The following EDIL3 variants were observed in gnomAD, a reference collection of about 807,000 sequenced individuals.
EDIL3 encodes EGF like and discoidin domains 3.
A neutral mutation model predicts 67.4 loss-of-function variants in EDIL3; 37 were observed. The ratio of observed to expected loss-of-function variants is 0.55; its 90% CI spans 0.42 to 0.72. The LOEUF is 0.72. Ranked by LOEUF, EDIL3 falls within the 30% of genes least tolerant of loss-of-function variation. EDIL3 has a pLI of 0.00. For missense variants in EDIL3, 527 were observed against 586.3 expected, an observed-to-expected ratio of 0.90 and a Z score of 1.04; for synonymous variants, 195 against 196.3, an observed-to-expected ratio of 0.99 and a Z score of 0.05.
At chr5:84,334,231 T>C (rs1043714303) in intron 1 of EDIL3, among the ~76,000 whole-genome samples, 2 of 151,926 alleles carry the variant, frequency 1.3e-5, no homozygotes, top group African/African-American at 4.8e-5. Context: ...GCGCCTAATT[T>C]TTTTGTATTT....
At chr5:84,155,694 T>C (rs1748478639) in intron 4 of EDIL3, among the ~76,000 whole-genome samples, 1 of 152,200 alleles carries the variant, frequency 6.6e-6, no homozygotes, top group East Asian at 1.9e-4. Flanking sequence ...AGTTCTCCAA[T>C]CATATCTTTT....
rs193099182 is a variant in EDIL3 at position 84,055,058 on chromosome 5, G to A, written c.1137+5242C>T. ...ACATCACGCTACCTGACTTCAAACT[G>A]TACTACAAGGCTACAGTAACCAAAA... is the stretch of plus-strand genomic sequence containing the variant. On this transcript the variant is annotated intron_variant, in intron 9 of 10. Transcript: ENST00000296591. Among the ~76,000 whole-genome samples, 777 of 145,934 alleles carry A rather than the reference G, an allele frequency of 5.3e-3. 160 individuals are homozygous for A. The highest frequency in any genetic ancestry group is 0.02 in the African/African-American group (753 of 37,076).
intron 9 of EDIL3, among the ~76,000 whole-genome samples, chr5:83,995,839 A>G (rs1267089782): frequency 6.6e-6 from 1 of 152,204 alleles, no homozygotes; most frequent in African/African-American, 2.4e-5. Context: ...TCCAGTAAGC[A>G]AGGCTCTGAA....
chr5:84,230,578 T>C (rs1035227431), intron 2 of EDIL3, among the ~76,000 whole-genome samples: 3 of 152,118 alleles, frequency 2.0e-5, no homozygotes, highest in African/African-American at 7.2e-5. Flanking sequence ...TGGCTAATGT[T>C]GTACTTTTAG....
chr5:84,323,470 A>G, intron 1 of EDIL3, among the ~76,000 whole-genome samples: 1 of 151,980 alleles, frequency 6.6e-6, no homozygotes, highest in African/African-American at 2.4e-5. Context: ...AAAATCAATT[A>G]TACAAAGAAG....
At position 83,942,762 on chromosome 5, in the gene EDIL3, GA is replaced by G. The variant is rs769332947; in HGVS notation, c.*656del. ...AGTCAACTAATAGGAAATTCAATTA[GA>G]AAAAAATTGAATTATTCAGGTAATA... On this transcript the variant is annotated 3_prime_UTR_variant, in exon 11 of 11. Coordinates refer to ENST00000296591, the MANE Select transcript of EDIL3 (RefSeq NM_005711.5). The G allele has an allele frequency of 1.3e-5, 2 of 151,512 alleles. No homozygotes were observed. The highest frequency in any genetic ancestry group is 6.6e-5 in the Admixed American group (1 of 15,184). The allele number at this position is 151,512 out of a possible 1,614,324, so 9.4% of individuals were successfully genotyped here.
intron 9 of EDIL3, among the ~76,000 whole-genome samples, chr5:84,002,553 A>G (rs546083465): frequency 9.9e-5 from 15 of 152,246 alleles, no homozygotes; most frequent in Non-Finnish European, 1.9e-4. Context: ...TCCACCAAAA[A>G]GCTATTAGAA....
At position 83,979,447 on chromosome 5, in the gene EDIL3, A is replaced by G. The variant is rs184139839; in HGVS notation, c.1138-16087T>C. On this transcript the variant is annotated intron_variant, in intron 9 of 10. Coordinates refer to ENST00000296591, the MANE Select transcript of EDIL3 (RefSeq NM_005711.5). The stretch of plus-strand genomic sequence containing the variant: ...GAGATAAATTATCACAAGGAGACAT[A>G]TATAATAAACTTATCTGTAGCATTA... 7.9e-5 allele frequency among the ~76,000 whole-genome samples: 12 copies of G among 152,252 alleles called. No individual in the cohort carries two copies. In the East Asian group the frequency reaches 2.3e-3, roughly 29 times the overall value.
chr5:84,086,525 T>C (rs1000759442), intron 6 of EDIL3, among the ~76,000 whole-genome samples: 2 of 152,016 alleles, frequency 1.3e-5, no homozygotes, highest in Admixed American at 6.5e-5. Context: ...GGTACCTTAG[T>C]TGGAAATGCA....
intron 9 of EDIL3, among the ~76,000 whole-genome samples, chr5:83,967,305 A>G (rs2112133819): frequency 6.6e-6 from 1 of 152,290 alleles, no homozygotes; most frequent in East Asian, 1.9e-4. Context: ...TGGGCAACAG[A>G]GCCAGACATC....
At chr5:84,237,036 G>A (rs1744695672) in intron 2 of EDIL3, among the ~76,000 whole-genome samples, 1 of 151,920 alleles carries the variant, frequency 6.6e-6, no homozygotes, top group Admixed American at 6.6e-5. Flanking sequence ...ATGAAGCCGA[G>A]GCTACCAGCT....
chr5:84,262,173 A>G (rs1382105147), intron 1 of EDIL3, among the ~76,000 whole-genome samples: 1 of 152,224 alleles, frequency 6.6e-6, no homozygotes, highest in East Asian at 1.9e-4. Context: ...TTTACTGCAT[A>G]TTAAAATCAC....
intron 1 of EDIL3, among the ~76,000 whole-genome samples, chr5:84,358,524 AG>A (rs1266009698): frequency 6.6e-6 from 1 of 152,074 alleles, no homozygotes; most frequent in Non-Finnish European, 1.5e-5. Flanking sequence ...AGTCAACTAA[AG>A]ATAAAGCTAA....
chr5:84,004,116 A>T (rs1745375936), intron 9 of EDIL3, among the ~76,000 whole-genome samples: 1 of 152,236 alleles, frequency 6.6e-6, no homozygotes, highest in Admixed American at 6.5e-5. Context: ...CAATTCAACA[A>T]GAAGACATAA....
chr5:84,145,703 A>G (rs762376512), intron 4 of EDIL3, among the ~76,000 whole-genome samples: 3 of 152,122 alleles, frequency 2.0e-5, no homozygotes, highest in Non-Finnish European at 4.4e-5. Flanking sequence ...TTCGAAATGT[A>G]TATAGACTTC....
chr5:84,142,505 C>A (rs752013416), intron 4 of EDIL3, among the ~76,000 whole-genome samples: 3 of 152,010 alleles, frequency 2.0e-5, no homozygotes, highest in Non-Finnish European at 2.9e-5. Context: ...TATCCCAGTT[C>A]ATCCTTGAGT....
intron 1 of EDIL3, among the ~76,000 whole-genome samples, chr5:84,270,355 GCA>G (rs1381198556): frequency 3.3e-5 from 5 of 152,100 alleles, no homozygotes; most frequent in African/African-American, 1.2e-4. Context: ...CAGGAGCCCA[GCA>G]CATTCTCATC....
At chr5:84,280,139 A>G (rs556679121) in intron 1 of EDIL3, among the ~76,000 whole-genome samples, 2 of 152,312 alleles carry the variant, frequency 1.3e-5, no homozygotes, top group East Asian at 3.9e-4. Flanking sequence ...TAAAATGCCT[A>G]GCAAAGAATT....
chr5:84,334,109 C>T (rs1215401499), intron 1 of EDIL3, among the ~76,000 whole-genome samples: 1 of 149,290 alleles, frequency 6.7e-6, no homozygotes, highest in Admixed American at 6.7e-5. Flanking sequence ...TCTTGTCACT[C>T]AGGTGGGAGT....
Sources: gnomAD v4.1 joint callset for allele counts (sites outside exome capture counted in the v4.1 genomes callset) on GRCh38, gnomAD v4.1.1 for gene constraint, MANE v1.5 for transcripts, NCBI Gene and HGNC (gene_info 2026-07-23, HGNC 2026-07-21) for gene names.